Variants in JPH3 observed in about 807,000 individuals in gnomAD.
JPH3 encodes junctophilin-3.
A neutral mutation model predicts 59.6 loss-of-function variants in JPH3; 11 were observed. That is an observed-to-expected ratio of 0.18 (90% CI 0.12 to 0.31). The LOEUF is 0.31. Among genes scored for constraint, JPH3 ranks in the 10% least tolerant of loss-of-function variants. The pLI is 1.00. For synonymous variants in JPH3, 673 were observed against 483.6 expected (o/e 1.39, Z -5.14); for missense variants, 1,202 against 1,105.7 (o/e 1.09, Z -1.24).
chr16:87,687,604 A>G (rs940040753), intron 3 of JPH3, among the ~76,000 whole-genome samples: 10 of 151,922 alleles, frequency 6.6e-5, no homozygotes, highest in Non-Finnish European at 1.2e-4. Context: ...CGGAGGCTGC[A>G]GGACGCAGGT....
chr16:87,621,084 G>A (rs777095890), intron 1 of JPH3, among the ~76,000 whole-genome samples: 13 of 152,240 alleles, frequency 8.5e-5, no homozygotes, highest in African/African-American at 2.9e-4. Context: ...GCTTGAGCCC[G>A]GGAGGCGGAG....
intron 2 of JPH3, among the ~76,000 whole-genome samples, chr16:87,651,797 A>G (rs1223458674): frequency 1.3e-5 from 2 of 152,256 alleles, no homozygotes; most frequent in African/African-American, 2.4e-5. Context: ...AGTGACAGCA[A>G]AGATTTAGAA....
intron 1 of JPH3, among the ~76,000 whole-genome samples, chr16:87,634,076 C>T (rs59583137): frequency 0.022 from 3,349 of 152,206 alleles, 122 homozygotes; most frequent in African/African-American, 0.076. Context: ...TCCGTGCAGC[C>T]GGGGACAAAG....
chr16:87,645,802 G>A (rs1330001587), intron 2 of JPH3, among the ~76,000 whole-genome samples: 2 of 152,062 alleles, frequency 1.3e-5, no homozygotes, highest in Non-Finnish European at 2.9e-5. Flanking sequence ...GCTGGTCCCC[G>A]CCAAGCTGTG....
At chr16:87,696,278 C>G (rs928768753) in intron 4 of JPH3, 3 of 497,654 alleles carry the variant, frequency 6.0e-6, no homozygotes, top group Admixed American at 3.1e-5. Flanking sequence ...CTGGGTGGTT[C>G]TCTCCAAGGG....
At chr16:87,636,817 G>A (rs368921114) in intron 1 of JPH3, among the ~76,000 whole-genome samples, 76 of 152,356 alleles carry the variant, frequency 5.0e-4, no homozygotes, top group Non-Finnish European at 8.1e-4. Context: ...TTCATGCGTC[G>A]CTTAAACCTA....
chr16:87,688,998 C>T (rs1384630600), intron 3 of JPH3, among the ~76,000 whole-genome samples: 4 of 152,190 alleles, frequency 2.6e-5, no homozygotes, highest in Admixed American at 2.6e-4. Context: ...GGGACTGAGC[C>T]ACCGGCAGAC....
intron 1 of JPH3, among the ~76,000 whole-genome samples, chr16:87,628,348 G>A (rs1050081776): frequency 2.0e-5 from 3 of 152,240 alleles, no homozygotes; most frequent in Admixed American, 6.5e-5. Context: ...CACCTTGGGC[G>A]GTGCCCTCCC....
chr16:87,685,523 G>A (rs954856662), intron 3 of JPH3, among the ~76,000 whole-genome samples: 2 of 152,252 alleles, frequency 1.3e-5, no homozygotes, highest in Admixed American at 6.5e-5. Flanking sequence ...GCGGTGGGGC[G>A]CACACTTGGG....
At chr16:87,643,495 T>G (rs1336777874) in intron 1 of JPH3, among the ~76,000 whole-genome samples, 1 of 152,220 alleles carries the variant, frequency 6.6e-6, no homozygotes, top group Non-Finnish European at 1.5e-5. Context: ...TGTGTGGTCT[T>G]CCTGGATACC....
At chr16:87,693,089 C>G (rs975962459) in intron 4 of JPH3, among the ~76,000 whole-genome samples, 1 of 152,266 alleles carries the variant, frequency 6.6e-6, no homozygotes, top group African/African-American at 2.4e-5. Flanking sequence ...CACAATACAC[C>G]TGCCTGAGGC....
At chr16:87,695,908 T>C (rs1219138739) in intron 4 of JPH3, 2 of 455,736 alleles carry the variant, frequency 4.4e-6, no homozygotes, top group Admixed American at 4.7e-5. Context: ...GTCTGGCACT[T>C]GGGGCTCCGG....
chr16:87,659,873 C>A (rs893806507), intron 2 of JPH3, among the ~76,000 whole-genome samples: 3 of 152,216 alleles, frequency 2.0e-5, no homozygotes, highest in Admixed American at 1.3e-4. Context: ...GAAACACTAA[C>A]TCCCCCTCCC....
At position 87,602,534 on chromosome 16, in the gene JPH3, A is replaced by ACGCCGCCGCCGCCACCGC. The variant is rs1220925118; in HGVS notation, c.-599_-582dup. ...AGCGCGCGAGCCGGGCCCGGAGCGCACGCCGCCGCCGCCACCGCCGCCGCC... is the reference window on the plus strand; with the variant it reads ...AGCGCGCGAGCCGGGCCCGGAGCGCACGCCGCCGCCGCCACCGCCGCCGCCGCCGCCACCGCCGCCGCC... On this transcript the variant is annotated 5_prime_UTR_variant, in exon 1 of 5. Transcript: ENST00000284262. Among the ~76,000 whole-genome samples, 8 of 132,200 alleles carry ACGCCGCCGCCGCCACCGC rather than the reference A, an allele frequency of 6.1e-5. No homozygotes were observed. Among genetic ancestry groups the ACGCCGCCGCCGCCACCGC allele is most frequent in the East Asian group, 5.2e-4 (2 of 3,856 alleles). The allele number at this position is 132,200 out of a possible 152,430, so 86.7% of individuals were successfully genotyped here.
Position 87,644,237 on chromosome 16 carries a change from CCTCT to C in JPH3, c.383-17_383-14del. The C allele has an allele frequency of 1.3e-6, 2 of 1,586,158 alleles. No individual in the cohort carries two copies. Among genetic ancestry groups the C allele is most frequent in the Non-Finnish European group, 1.7e-6 (2 of 1,165,558 alleles). On this transcript the variant is annotated splice_polypyrimidine_tract_variant and intron_variant, in intron 1 of 4. Transcript: ENST00000284262. Reference sequence around the variant, plus strand: ...CCTCCTCTGTCGCTGGGCACTCACCCCTCTCTCATTTTCTCCCCAGGGACCTACC... The same window carrying C: ...CCTCCTCTGTCGCTGGGCACTCACCCCTCATTTTCTCCCCAGGGACCTACC...
At chr16:87,617,904 T>C (rs564458393) in intron 1 of JPH3, among the ~76,000 whole-genome samples, 16 of 152,222 alleles carry the variant, frequency 1.1e-4, no homozygotes, top group South Asian at 8.3e-4. Context: ...GGCTCATGCC[T>C]GTAATCCCAG....
At chr16:87,671,477 C>T (rs1302928559) in intron 2 of JPH3, among the ~76,000 whole-genome samples, 1 of 152,206 alleles carries the variant, frequency 6.6e-6, no homozygotes, top group Non-Finnish European at 1.5e-5. Context: ...TGGGTGGCGG[C>T]CGCTGTGCCT....
intron 2 of JPH3, among the ~76,000 whole-genome samples, chr16:87,670,384 C>CT (rs1444846156): frequency 6.6e-6 from 1 of 152,222 alleles, no homozygotes; most frequent in Non-Finnish European, 1.5e-5. Flanking sequence ...CCAGGCCTGA[C>CT]TGACGCCCCT....
At chr16:87,651,295 T>C (rs1173872214) in intron 2 of JPH3, among the ~76,000 whole-genome samples, 1 of 152,206 alleles carries the variant, frequency 6.6e-6, no homozygotes, top group Admixed American at 6.5e-5. Context: ...GGAAGATGAA[T>C]GTTGTTTGCG....
Sources: gnomAD v4.1 joint callset for allele counts (sites outside exome capture counted in the v4.1 genomes callset) on GRCh38, gnomAD v4.1.1 for gene constraint, MANE v1.5 for transcripts, NCBI Gene and HGNC (gene_info 2026-07-23, HGNC 2026-07-21) for gene names.